SLC4A10: variants seen among roughly 807,000 people sequenced by gnomAD.
SLC4A10 encodes the protein solute carrier family 4 member 10, also known as sodium-driven chloride bicarbonate exchanger.
SLC4A10 carries 42 observed loss-of-function variants against 137.7 expected under a neutral mutation model. That is an observed-to-expected ratio of 0.30 (90% CI 0.24 to 0.39). SLC4A10 has a LOEUF of 0.39. Ranked by LOEUF, SLC4A10 falls within the 10% of genes least tolerant of loss-of-function variation. The pLI is 1.00. For missense variants in SLC4A10, 925 were observed against 1,355.0 expected (o/e 0.68, Z 4.98); for synonymous variants, 474 against 464.1 (o/e 1.02, Z -0.27).
intron 1 of SLC4A10, among the ~76,000 whole-genome samples, chr2:161,690,081 A>C (rs925715316): frequency 6.6e-6 from 1 of 152,214 alleles, no homozygotes; most frequent in African/African-American, 2.4e-5. Context: ...CAGAATCTAG[A>C]AGGAACTTAA....
chr2:161,838,229 T>C (rs2058940710), intron 3 of SLC4A10, among the ~76,000 whole-genome samples: 1 of 152,056 alleles, frequency 6.6e-6, no homozygotes, highest in African/African-American at 2.4e-5. Context: ...TTTATTTGGG[T>C]CTTTTCCATA....
At chr2:161,744,824 T>C (rs1034425465) in intron 1 of SLC4A10, among the ~76,000 whole-genome samples, 4 of 150,558 alleles carry the variant, frequency 2.7e-5, no homozygotes, top group African/African-American at 9.7e-5. Context: ...GATATTGTAG[T>C]TTTATTTTTG....
chr2:161,707,027 T>G (rs1182536816), intron 1 of SLC4A10, among the ~76,000 whole-genome samples: 1 of 151,510 alleles, frequency 6.6e-6, no homozygotes, highest in Non-Finnish European at 1.5e-5. Context: ...CAGGAAAGAA[T>G]GAATATAGAA....
At chr2:161,806,510 CT>C (rs2055977119) in intron 3 of SLC4A10, among the ~76,000 whole-genome samples, 1 of 152,150 alleles carries the variant, frequency 6.6e-6, no homozygotes, top group African/African-American at 2.4e-5. Flanking sequence ...TTCTTGAATG[CT>C]TTGCTGCTTA....
chr2:161,903,136 TA>T (rs956123037), intron 12 of SLC4A10, among the ~76,000 whole-genome samples: 2 of 152,148 alleles, frequency 1.3e-5, no homozygotes, highest in South Asian at 4.1e-4. Context: ...CTTATAGATT[TA>T]AAAAAAGATC....
chr2:161,628,152 T>A (rs1197771733), intron 1 of SLC4A10, among the ~76,000 whole-genome samples: 1 of 152,116 alleles, frequency 6.6e-6, no homozygotes, highest in African/African-American at 2.4e-5. Context: ...ATATTCAATG[T>A]TGAATTTGCT....
intron 1 of SLC4A10, among the ~76,000 whole-genome samples, chr2:161,657,928 A>G (rs925095715): frequency 2.0e-5 from 3 of 152,174 alleles, no homozygotes; most frequent in African/African-American, 7.2e-5. Context: ...ATAATTATTT[A>G]ATTAAATTAT....
chr2:161,760,049 G>C (rs552979838), intron 1 of SLC4A10, among the ~76,000 whole-genome samples: 2 of 151,986 alleles, frequency 1.3e-5, no homozygotes, highest in Non-Finnish European at 2.9e-5. Flanking sequence ...CAAATAATGT[G>C]TGTGGGCATG....
chr2:161,646,755 C>G (rs902246649), intron 1 of SLC4A10, among the ~76,000 whole-genome samples: 4 of 151,908 alleles, frequency 2.6e-5, no homozygotes, highest in Non-Finnish European at 5.9e-5. Context: ...AAATTAATTT[C>G]TTCAAAATTA....
At chr2:161,737,072 T>C (rs1551053) in intron 1 of SLC4A10, among the ~76,000 whole-genome samples, 1 of 152,064 alleles carries the variant, frequency 6.6e-6, no homozygotes, top group Non-Finnish European at 1.5e-5. Flanking sequence ...TTACCCAGGT[T>C]GGTCTTAAAC....
chr2:161,624,424 C>G lies in SLC4A10; in HGVS notation c.-95C>G. On this transcript the variant is annotated 5_prime_UTR_variant, in exon 1 of 27. Transcript: ENST00000446997. ...CAATTGCCTCCTGCTTCAGAGCTACCTGATCCGAATACTAAGCAGAGCGAG... is the reference window on the plus strand; with the variant it reads ...CAATTGCCTCCTGCTTCAGAGCTACGTGATCCGAATACTAAGCAGAGCGAG... 6.5e-7 allele frequency: 1 copy of G among 1,541,942 alleles called. No individual in the cohort carries two copies.
At chr2:161,870,830 G>T (rs1482727061) in intron 6 of SLC4A10, among the ~76,000 whole-genome samples, 1 of 151,734 alleles carries the variant, frequency 6.6e-6, no homozygotes, top group Non-Finnish European at 1.5e-5. Flanking sequence ...TGTGAACATG[G>T]TTTGAGGTGA....
intron 3 of SLC4A10, among the ~76,000 whole-genome samples, chr2:161,832,309 G>A (rs1026333719): frequency 6.6e-6 from 1 of 152,104 alleles, no homozygotes; most frequent in Non-Finnish European, 1.5e-5. Context: ...GCTTTTGCTA[G>A]CATCCATAAA....
chr2:161,715,605 T>C (rs1047726433), intron 1 of SLC4A10, among the ~76,000 whole-genome samples: 6 of 152,060 alleles, frequency 3.9e-5, no homozygotes, highest in African/African-American at 1.4e-4. Flanking sequence ...GGTTTTCTGT[T>C]CCTGCGTTAG....
At chr2:161,796,082 T>C (rs1293977689) in intron 2 of SLC4A10, among the ~76,000 whole-genome samples, 1 of 152,186 alleles carries the variant, frequency 6.6e-6, no homozygotes, top group African/African-American at 2.4e-5. Flanking sequence ...GTTAACATTT[T>C]CCCATTATTT....
chr2:161,826,334 G>T (rs2058018706), intron 3 of SLC4A10, among the ~76,000 whole-genome samples: 2 of 152,164 alleles, frequency 1.3e-5, no homozygotes, highest in African/African-American at 4.8e-5. Flanking sequence ...AGCATTTTGT[G>T]AATCTGTTCT....
intron 1 of SLC4A10, among the ~76,000 whole-genome samples, chr2:161,737,872 G>T (rs2047503380): frequency 6.6e-6 from 1 of 152,112 alleles, no homozygotes; most frequent in Non-Finnish European, 1.5e-5. Context: ...GCAAGGAAAA[G>T]AAACAAAGGG....
chr2:161,972,304 C>T (rs1403782973), intron 23 of SLC4A10, among the ~76,000 whole-genome samples: 2 of 152,082 alleles, frequency 1.3e-5, no homozygotes, highest in Admixed American at 6.5e-5. Flanking sequence ...AAAAAGGAAC[C>T]TTTTCTACCT....
intron 1 of SLC4A10, among the ~76,000 whole-genome samples, chr2:161,755,771 ATTT>A (rs368478470): frequency 7.1e-6 from 1 of 140,374 alleles, no homozygotes. Flanking sequence ...CGTTCCTTAA[ATTT>A]TTTTTTTTTT....
Sources: gnomAD v4.1 joint callset for allele counts (sites outside exome capture counted in the v4.1 genomes callset) on GRCh38, gnomAD v4.1.1 for gene constraint, MANE v1.5 for transcripts, NCBI Gene and HGNC (gene_info 2026-07-23, HGNC 2026-07-21) for gene names.